The following LOXL2 variants were observed in gnomAD, a reference collection of about 807,000 sequenced individuals.
The protein encoded by LOXL2 is lysyl oxidase like 2.
A neutral mutation model predicts 93.0 loss-of-function variants in LOXL2; 70 were observed. The observed-to-expected ratio is 0.75, with a 90% confidence interval of 0.62 to 0.92. The LOEUF (loss-of-function observed/expected upper bound fraction) is 0.92, where lower values mean the gene tolerates loss of function less well. Ranked by LOEUF, LOXL2 falls within the 40% of genes least tolerant of loss-of-function variation. LOXL2 has a pLI of 0.00. For missense variants in LOXL2, 973 were observed against 1,054.9 expected, an observed-to-expected ratio of 0.92 and a Z score of 1.08; for synonymous variants, 438 against 413.2, an observed-to-expected ratio of 1.06 and a Z score of -0.73.
chr8:23,386,090 A>C lies in LOXL2; in HGVS notation c.-83-17656T>G, dbSNP rs754536143. On this transcript the variant is annotated intron_variant, in intron 1 of 13. Transcript: ENST00000389131. ...CAGAAAGGCTACATGATTTTCCTAT[A>C]GTCACACTGCTAAAAAGTGATCAAG... 7 of 763,916 alleles carry C rather than the reference A, an allele frequency of 9.2e-6. No homozygotes were observed. In the East Asian group the frequency reaches 1.7e-4, roughly 19 times the overall value. The allele number at this position is 763,916 out of a possible 1,614,324, so 47.3% of individuals were successfully genotyped here. A position where few individuals can be genotyped will look rare whatever the true frequency, so the allele number is the denominator to read the frequency against.
intron 11 of LOXL2, among the ~76,000 whole-genome samples, chr8:23,302,779 C>G (rs73224432): frequency 0.18 from 26,849 of 152,180 alleles, 2,991 homozygotes; most frequent in Middle Eastern, 0.27. Context: ...TGCAGGTGCA[C>G]TAACAGGTGA....
At chr8:23,317,495 A>G (rs569605367) in intron 8 of LOXL2, among the ~76,000 whole-genome samples, 1 of 152,320 alleles carries the variant, frequency 6.6e-6, no homozygotes, top group South Asian at 2.1e-4. Context: ...CCCGAATAGG[A>G]TCTCAGAATC....
intron 4 of LOXL2, among the ~76,000 whole-genome samples, chr8:23,335,757 C>T (rs1317150010): frequency 6.6e-6 from 1 of 152,186 alleles, no homozygotes; most frequent in Non-Finnish European, 1.5e-5. Flanking sequence ...GGTCCCATCC[C>T]TGCTGGTCCA....
At chr8:23,399,416 A>T (rs939459813) in intron 1 of LOXL2, among the ~76,000 whole-genome samples, 72 of 152,348 alleles carry the variant, frequency 4.7e-4, no homozygotes, top group African/African-American at 1.6e-3. Context: ...AAGTGGTTGA[A>T]TCATGAGTGC....
Position 23,309,145 on chromosome 8 carries a change from C to T in LOXL2, c.1880+523G>A, listed in dbSNP as rs188870415. Among the ~76,000 whole-genome samples the T allele has an allele frequency of 1.2e-3, 179 of 152,046 alleles. 1 individual carries two copies. The highest frequency in any genetic ancestry group is 3.4e-3 in the Middle Eastern group (1 of 294). On this transcript the variant is annotated intron_variant, in intron 10 of 13. Coordinates refer to ENST00000389131, the MANE Select transcript of LOXL2 (RefSeq NM_002318.3). ...GGCTATAGGCATCCACCACCATGCCCGGCTAATTTTCGTATTTTTAGTAGA... is the reference window on the plus strand; with the variant it reads ...GGCTATAGGCATCCACCACCATGCCTGGCTAATTTTCGTATTTTTAGTAGA...
intron 4 of LOXL2, among the ~76,000 whole-genome samples, chr8:23,339,841 C>G (rs60097246): frequency 1.3e-5 from 2 of 152,222 alleles, no homozygotes; most frequent in Non-Finnish European, 2.9e-5. Context: ...ATGGGCAGCT[C>G]TGCAGCTGCA....
At position 23,298,852 on chromosome 8, in the gene LOXL2, C is replaced by T. The variant is rs778113411; in HGVS notation, c.2229G>A (p.Met743Ile). ...RSRYDGHRIW[M>I]YNCHIGGSFS... Reference sequence around the variant, plus strand: ...TGGCCTTACCTATGTGGCAGTTGTACATCCAGATGCGGTGGCCGTCATAGC... The same window carrying T: ...TGGCCTTACCTATGTGGCAGTTGTATATCCAGATGCGGTGGCCGTCATAGC... The change falls in exon 13 of 14, where the codon ATG becomes ATA. Residue 743 changes from methionine to isoleucine, a missense_variant. Transcript: ENST00000389131. 15 of 1,612,586 alleles carry T rather than the reference C, an allele frequency of 9.3e-6. No homozygotes were observed. The East Asian group carries it at 2.9e-4, about 31-fold the overall frequency.
rs181011009 is a variant in LOXL2 at position 23,344,111 on chromosome 8, C to A, written c.532-2908G>T. On this transcript the variant is annotated intron_variant, in intron 3 of 13. Transcript: ENST00000389131. ...GCCTGGCTGGAGGAGCTCAGCAGAC[C>A]CCGCTGGAAAGAGCTACGCGGGCCT... Among the ~76,000 whole-genome samples, 38 of 152,292 alleles carry A rather than the reference C, an allele frequency of 2.5e-4. No individual in the cohort carries two copies. In the East Asian group the frequency reaches 3.9e-3, roughly 15 times the overall value.
chr8:23,402,195 A>G (rs1800160757), intron 1 of LOXL2, among the ~76,000 whole-genome samples: 1 of 152,118 alleles, frequency 6.6e-6, no homozygotes, highest in Admixed American at 6.5e-5. Context: ...GTGCCCGCGC[A>G]CACACACCTG....
chr8:23,337,164 A>T (rs1326271639), intron 4 of LOXL2: 1 of 152,234 alleles, frequency 6.6e-6, no homozygotes, highest in Admixed American at 6.5e-5. Context: ...ACAGGTCTGC[A>T]GCAGTCAGAC....
At chr8:23,401,970 A>T (rs1800156257) in intron 1 of LOXL2, among the ~76,000 whole-genome samples, 2 of 152,248 alleles carry the variant, frequency 1.3e-5, no homozygotes. Flanking sequence ...TCTAACACAA[A>T]GTTACAGGGA....
At chr8:23,329,841 C>T (rs1384912111) in intron 5 of LOXL2, among the ~76,000 whole-genome samples, 12 of 152,164 alleles carry the variant, frequency 7.9e-5, no homozygotes, top group Admixed American at 1.3e-4. Context: ...CTACCTTCAG[C>T]GGGATGGCAT....
At chr8:23,308,904 G>T (rs528075301) in intron 10 of LOXL2, among the ~76,000 whole-genome samples, 7 of 151,920 alleles carry the variant, frequency 4.6e-5, no homozygotes, top group Non-Finnish European at 8.8e-5. Context: ...AGGACTCTTG[G>T]GCCTAGACTT....
chr8:23,368,249 C>T lies in LOXL2; in HGVS notation c.103G>A (p.Glu35Lys), dbSNP rs145199667. The stretch of plus-strand genomic sequence containing the variant: ...TCAGGAGCCGGTTGCTGGAAGTACT[C>T]GGGGTAATGGGGCCAGCTGTCATAC... Reference protein sequence around the residue: ...AQYDSWPHYPEYFQQPAPEYH... With the variant: ...AQYDSWPHYPKYFQQPAPEYH... The change falls in exon 2 of 14, where the codon GAG (glutamate) becomes AAG (lysine). Residue 35 changes from glutamate (E) to lysine (K), a missense_variant. Physicochemically the swap from Glu to Lys is moderately conservative, Grantham distance 56 (BLOSUM62 1). Transcript: ENST00000389131. The T allele has an allele frequency of 7.6e-5, 123 of 1,613,884 alleles. No individual in the cohort carries two copies. In the African/African-American group the frequency reaches 1.3e-3, roughly 16 times the overall value.
chr8:23,374,639 A>C (rs1239853067), intron 1 of LOXL2, among the ~76,000 whole-genome samples: 1 of 152,190 alleles, frequency 6.6e-6, no homozygotes, highest in Admixed American at 6.5e-5. Context: ...AATGATTGCC[A>C]TTCTAACTGG....
chr8:23,309,363 T>C (rs548037459), intron 10 of LOXL2, among the ~76,000 whole-genome samples: 1 of 152,258 alleles, frequency 6.6e-6, no homozygotes, highest in Admixed American at 6.5e-5. Flanking sequence ...GTGGACACAC[T>C]TGGAAACCAT....
At position 23,317,042 on chromosome 8, in the gene LOXL2, C is replaced by T. The variant is rs750311862; in HGVS notation, c.1543G>A (p.Glu515Lys). 9.3e-6 allele frequency: 15 copies of T among 1,614,212 alleles called. No homozygotes were observed. In the South Asian group the frequency reaches 1.5e-4, roughly 17 times the overall value. The stretch of plus-strand genomic sequence containing the variant: ...TGGCGGCAGTGCGCCAGGGACAGCT[C>T]CGTTCCCGAGCACTTCACTCCACTC... ...VMSGVKCSGTELSLAHCRHDG... is the reference protein window; with the variant it reads ...VMSGVKCSGTKLSLAHCRHDG... The change falls in exon 9 of 14, where the codon GAG becomes AAG. Residue 515 changes from glutamate (E) to lysine (K), a missense_variant. Glu to Lys is a moderately conservative substitution (Grantham distance 56, BLOSUM62 1). Coordinates refer to ENST00000389131, the MANE Select transcript of LOXL2 (RefSeq NM_002318.3).
At chr8:23,346,291 C>T (rs1803983361) in intron 3 of LOXL2, among the ~76,000 whole-genome samples, 1 of 152,028 alleles carries the variant, frequency 6.6e-6, no homozygotes, top group Admixed American at 6.6e-5. Context: ...AAGCTAAAAC[C>T]TGATGCTATC....
intron 8 of LOXL2, among the ~76,000 whole-genome samples, chr8:23,318,323 A>G (rs1803435979): frequency 6.6e-6 from 1 of 152,038 alleles, no homozygotes; most frequent in Non-Finnish European, 1.5e-5. Flanking sequence ...CCATAATTGG[A>G]TGAGCCAATT....
Sources: allele counts gnomAD v4.1 joint callset (sites outside exome capture counted in the v4.1 genomes callset), GRCh38; gene constraint gnomAD v4.1.1; transcripts MANE v1.5; gene names NCBI Gene and HGNC (gene_info 2026-07-23, HGNC 2026-07-21).